ADGRB3: variants seen among roughly 807,000 people sequenced by gnomAD.
ADGRB3 encodes brain-specific angiogenesis inhibitor 3.
Under a neutral mutation model 193.4 loss-of-function variants are expected in ADGRB3, and 37 were observed. That is an observed-to-expected ratio of 0.19 (90% CI 0.15 to 0.25). The LOEUF (loss-of-function observed/expected upper bound fraction) is 0.25. Among genes scored for constraint, ADGRB3 ranks in the 10% least tolerant of loss-of-function variants. The pLI is 1.00. For synonymous variants in ADGRB3, 690 were observed against 644.2 expected, an observed-to-expected ratio of 1.07 and a Z score of -1.08; for missense variants, 1,637 against 1,852.9, an observed-to-expected ratio of 0.88 and a Z score of 2.14.
chr6:68,930,425 GC>G (rs1431842790), intron 3 of ADGRB3, 133 bp from the exon 4 acceptor site: 3 of 525,930 alleles, frequency 5.7e-6, no homozygotes, highest in African/African-American at 2.0e-5. Flanking sequence ...AAGCAGATTA[GC>G]CTAGCAAGTT....
At chr6:69,316,718 G>T (rs1015318889) in intron 20 of ADGRB3, among the ~76,000 whole-genome samples, 1 of 151,500 alleles carries the variant, frequency 6.6e-6, no homozygotes, top group African/African-American at 2.4e-5. Flanking sequence ...AAAAGCTTAG[G>T]GGAGATGCTA....
At chr6:69,175,846 C>T (rs1343091528) in intron 17 of ADGRB3, among the ~76,000 whole-genome samples, 1 of 152,062 alleles carries the variant, frequency 6.6e-6, no homozygotes, top group Non-Finnish European at 1.5e-5. Flanking sequence ...TTGTAGAGAT[C>T]TTTCACCTCC....
At chr6:69,179,242 A>G (rs1478636097) in intron 17 of ADGRB3, among the ~76,000 whole-genome samples, 2 of 152,172 alleles carry the variant, frequency 1.3e-5, no homozygotes, top group Non-Finnish European at 2.9e-5. Flanking sequence ...CTGGTCTTCA[A>G]GCTCTGAAAT....
intron 20 of ADGRB3, among the ~76,000 whole-genome samples, chr6:69,300,639 A>G (rs1021650895): frequency 1.3e-5 from 2 of 151,860 alleles, no homozygotes; most frequent in Non-Finnish European, 2.9e-5. Flanking sequence ...CAAAAGCAAC[A>G]TTAAAAACCA....
intron 3 of ADGRB3, among the ~76,000 whole-genome samples, chr6:68,912,535 C>CA (rs1483877365): frequency 6.6e-6 from 1 of 152,058 alleles, no homozygotes; most frequent in Non-Finnish European, 1.5e-5. Flanking sequence ...CACCCCACAA[C>CA]AGTCCCCAGA....
chr6:69,238,764 G>A (rs747507164), intron 19 of ADGRB3, among the ~76,000 whole-genome samples: 3 of 151,292 alleles, frequency 2.0e-5, no homozygotes, highest in African/African-American at 7.3e-5. Flanking sequence ...ACACACACAC[G>A]TATATAAAGG....
At chr6:69,065,089 A>C (rs1771861452) in intron 16 of ADGRB3, among the ~76,000 whole-genome samples, 1 of 152,212 alleles carries the variant, frequency 6.6e-6, no homozygotes, top group Non-Finnish European at 1.5e-5. Context: ...GATAATTATC[A>C]GAAGTCACTT....
intron 26 of ADGRB3, among the ~76,000 whole-genome samples, chr6:69,341,530 G>A (rs544434174): frequency 6.6e-6 from 1 of 152,246 alleles, no homozygotes; most frequent in East Asian, 1.9e-4. Context: ...GAGTATTTTA[G>A]CATTTAAAAA....
intron 16 of ADGRB3, among the ~76,000 whole-genome samples, chr6:69,064,843 T>G (rs1771854837): frequency 6.6e-6 from 1 of 152,054 alleles, no homozygotes; most frequent in Non-Finnish European, 1.5e-5. Context: ...TCAAAAATAG[T>G]GTTGAAATAG....
At chr6:68,775,145 TAAAAA>T (rs746086066) in intron 3 of ADGRB3, among the ~76,000 whole-genome samples, 1 of 115,668 alleles carries the variant, frequency 8.6e-6, no homozygotes, top group Non-Finnish European at 1.7e-5. Context: ...AGCTGCTTGT[TAAAAA>T]AAAAAAAAAA....
intron 20 of ADGRB3, among the ~76,000 whole-genome samples, chr6:69,255,962 C>G (rs957675879): frequency 1.3e-5 from 2 of 152,104 alleles, no homozygotes; most frequent in Non-Finnish European, 2.9e-5. Flanking sequence ...AATAGGGAAT[C>G]CTTTCCCCAT....
In ADGRB3 at chr6:69,109,337, T is replaced by C. The variant is rs187787751; in HGVS notation, c.2480+33299T>C. Among the ~76,000 whole-genome samples, 268 of 152,306 alleles carry C rather than the reference T, an allele frequency of 1.8e-3. 2 individuals carry two copies. Among genetic ancestry groups the C allele is most frequent in the African/African-American group, 6.3e-3 (260 of 41,578 alleles). ...TGGGAATGTCCAAAATCAGTTGTCC[T>C]GGGGCAATGAGGGGCATAATATCAA... On this transcript the variant is annotated intron_variant, in intron 17 of 31. Coordinates refer to ENST00000370598, the MANE Select transcript of ADGRB3 (RefSeq NM_001704.3).
intron 3 of ADGRB3, among the ~76,000 whole-genome samples, chr6:68,776,943 A>C (rs1263895625): frequency 6.6e-6 from 1 of 152,190 alleles, no homozygotes; most frequent in Non-Finnish European, 1.5e-5. Context: ...TAATTAGGTC[A>C]AATTTTTACG....
intron 17 of ADGRB3, among the ~76,000 whole-genome samples, chr6:69,153,407 G>A (rs149588232): frequency 1.3e-5 from 2 of 152,152 alleles, no homozygotes; most frequent in Non-Finnish European, 2.9e-5. Context: ...AAGGATAAAA[G>A]AGGTTTGGGG....
intron 3 of ADGRB3, among the ~76,000 whole-genome samples, chr6:68,688,298 C>G (rs1353827415): frequency 6.6e-6 from 1 of 152,182 alleles, no homozygotes; most frequent in Non-Finnish European, 1.5e-5. Context: ...TCTTTTCACT[C>G]TGACATATGC....
intron 20 of ADGRB3, among the ~76,000 whole-genome samples, chr6:69,266,231 C>G (rs946716425): frequency 6.6e-6 from 1 of 151,884 alleles, no homozygotes; most frequent in Non-Finnish European, 1.5e-5. Context: ...GTATATGTAT[C>G]GTCAAAGGAT....
At chr6:69,306,269 T>C (rs752508302) in intron 20 of ADGRB3, among the ~76,000 whole-genome samples, 1 of 150,166 alleles carries the variant, frequency 6.7e-6, no homozygotes, top group Admixed American at 6.6e-5. Context: ...ATAAGCCCAA[T>C]GTTGTCACGA....
chr6:68,997,874 T>A (rs1769435104), intron 11 of ADGRB3, among the ~76,000 whole-genome samples: 1 of 152,160 alleles, frequency 6.6e-6, no homozygotes, highest in Admixed American at 6.5e-5. Flanking sequence ...TAAGACACTT[T>A]GTTCTTGTAT....
rs1193741294 is a variant in ADGRB3, at chr6:69,235,138, A to G, written c.2711+3A>G. On this transcript the variant is annotated splice_donor_region_variant and intron_variant, in intron 19 of 31. Coordinates refer to ENST00000370598, the MANE Select transcript of ADGRB3 (RefSeq NM_001704.3). ...GTTGTCTATGCAGCATTATGGAGGT[A>G]AGTAATCAATTGATAGACCTGAAAT... 4.4e-6 allele frequency: 7 copies of G among 1,585,614 alleles called. No individual in the cohort carries two copies. In the East Asian group the frequency reaches 9.0e-5, roughly 20 times the overall value.
Sources: gnomAD v4.1 joint callset for allele counts (sites outside exome capture counted in the v4.1 genomes callset) on GRCh38, gnomAD v4.1.1 for gene constraint, MANE v1.5 for transcripts, NCBI Gene and HGNC (gene_info 2026-07-23, HGNC 2026-07-21) for gene names.